Variants in STAB2 observed in about 807,000 individuals in gnomAD.
The protein encoded by STAB2 is stabilin-2.
A neutral mutation model predicts 338.1 loss-of-function variants in STAB2; 288 were observed. The ratio of observed to expected loss-of-function variants is 0.85; its 90% CI spans 0.77 to 0.94. STAB2 has a LOEUF of 0.94. STAB2 is among the 40% of genes least tolerant of loss of function. STAB2 has a pLI of 0.00. For missense variants in STAB2, 3,141 were observed against 3,210.1 expected (o/e 0.98, Z 0.52); for synonymous variants, 1,202 against 1,193.3 (o/e 1.01, Z -0.15).
At chr12:103,642,753 G>A (rs549168763) in intron 9 of STAB2, among the ~76,000 whole-genome samples, 3 of 152,096 alleles carry the variant, frequency 2.0e-5, no homozygotes, top group Non-Finnish European at 4.4e-5. Flanking sequence ...AAGAGCCTGG[G>A]CCCCCCACTA....
intron 67 of STAB2, among the ~76,000 whole-genome samples, chr12:103,762,731 C>T (rs754651555): frequency 6.6e-6 from 1 of 152,218 alleles, no homozygotes; most frequent in Non-Finnish European, 1.5e-5. Context: ...TTGGAGGATT[C>T]ACTGCACAAG....
chr12:103,731,571 T>C lies in STAB2; in HGVS notation c.5224-5T>C, dbSNP rs763245633. On this transcript the variant is annotated splice_polypyrimidine_tract_variant and splice_region_variant and intron_variant, in intron 49 of 68. Transcript: ENST00000388887. ...GTTTCATGCCCATTCTTATTATCTT[T>C]GCAGCAAAATCTTACGACTTTGGCA... 2.5e-6 allele frequency: 4 copies of C among 1,613,768 alleles called. No homozygotes were observed. Among genetic ancestry groups the C allele is most frequent in the African/African-American group, 2.7e-5 (2 of 75,038 alleles).
In STAB2 at chr12:103,648,756, C is replaced by T; in HGVS notation, c.1107C>T (p.Leu369=). 1 of 1,614,134 alleles carries T rather than the reference C, an allele frequency of 6.2e-7. No individual in the cohort carries two copies. The highest frequency in any genetic ancestry group is 8.5e-7 in the Non-Finnish European group (1 of 1,180,010). ...GTTATGGAAACATTATGGAGCGACTCAGAGAATTAAATACTGAACCCAGAG... is the reference window on the plus strand; with the variant it reads ...GTTATGGAAACATTATGGAGCGACTTAGAGAATTAAATACTGAACCCAGAG... ...LTCYGNIMER[L]RELNTEPRGK... is the part of the protein sequence containing the mutation. The change falls in exon 10 of 69, where the codon CTC becomes CTT. Residue 369 remains leucine, a synonymous_variant. Coordinates refer to ENST00000388887, the MANE Select transcript of STAB2 (RefSeq NM_017564.10).
At chr12:103,590,554 T>C (rs1051926955) in intron 1 of STAB2, among the ~76,000 whole-genome samples, 1 of 152,212 alleles carries the variant, frequency 6.6e-6, no homozygotes, top group African/African-American at 2.4e-5. Context: ...CTTGAGAGTG[T>C]ATTCTGCCAT....
rs370182235 is a variant in STAB2, at chr12:103,668,739, G to A, written c.2172+10G>A. The stretch of plus-strand genomic sequence containing the variant: ...CAATGCCACTGTGAAGGTGAGGAGC[G>A]CGTGGCCGAGGCCCAGTCTAGGCCA... On this transcript the variant is annotated intron_variant, in intron 20 of 68. Coordinates refer to ENST00000388887, the MANE Select transcript of STAB2 (RefSeq NM_017564.10). 5.8e-5 allele frequency: 89 copies of A among 1,535,764 alleles called. No individual in the cohort carries two copies. The highest frequency in any genetic ancestry group is 2.0e-4 in the Admixed American group (10 of 50,500).
intron 52 of STAB2, 109 bp downstream of exon 52, chr12:103,735,689 T>C (rs1882061717): frequency 1.1e-6 from 1 of 939,136 alleles, no homozygotes; most frequent in Middle Eastern, 3.5e-4. Context: ...CCTCCATTCA[T>C]AGCGGGCTCA....
Position 103,758,811 on chromosome 12 carries a change from G to T in STAB2, c.7108-322G>T, listed in dbSNP as rs570015344. 5.3e-5 allele frequency among the ~76,000 whole-genome samples: 8 copies of T among 152,312 alleles called. No individual in the cohort carries two copies. The East Asian group carries it at 1.5e-3, about 29-fold the overall frequency. On this transcript the variant is annotated intron_variant, in intron 64 of 68. Coordinates refer to ENST00000388887, the MANE Select transcript of STAB2 (RefSeq NM_017564.10). ...CGGTATTTATTCAATTCACGCACAGGTGGCTGACCTGAGGCTCCGACAGCC... is the reference window on the plus strand; with the variant it reads ...CGGTATTTATTCAATTCACGCACAGTTGGCTGACCTGAGGCTCCGACAGCC...
intron 39 of STAB2, chr12:103,711,230 C>T (rs1879827367): frequency 1.8e-6 from 1 of 547,514 alleles, no homozygotes; most frequent in Non-Finnish European, 3.2e-6. Context: ...CTCTTGCATC[C>T]TCACTGCCTA....
At chr12:103,665,389 A>G (rs983666857) in intron 18 of STAB2, among the ~76,000 whole-genome samples, 1 of 152,196 alleles carries the variant, frequency 6.6e-6, no homozygotes, top group African/African-American at 2.4e-5. Flanking sequence ...GATCCAAACG[A>G]AGAGATTCTG....
chr12:103,727,397 A>G (rs1310997095), intron 47 of STAB2, 47 bp downstream of exon 47: 1 of 1,602,256 alleles, frequency 6.2e-7, no homozygotes, highest in East Asian at 2.2e-5. Context: ...CGGCTGGAAC[A>G]TAGTCCTTGG....
At chr12:103,649,976 C>G (rs1403990454) in intron 10 of STAB2, among the ~76,000 whole-genome samples, 1 of 152,142 alleles carries the variant, frequency 6.6e-6, no homozygotes, top group East Asian at 1.9e-4. Context: ...CCAGCTTCCC[C>G]AGGTGATGGA....
In STAB2 at chr12:103,711,525, C is replaced by G; in HGVS notation, c.4334+9C>G. 6.2e-7 allele frequency: 1 copy of G among 1,614,034 alleles called. No individual in the cohort carries two copies. Among genetic ancestry groups the G allele is most frequent in the Non-Finnish European group, 8.5e-7 (1 of 1,179,998 alleles). On this transcript the variant is annotated intron_variant, in intron 40 of 68. Coordinates refer to ENST00000388887, the MANE Select transcript of STAB2 (RefSeq NM_017564.10). ...TGCCATACCAGCGCCAAGTAGGTAG[C>G]CCTGGGCCACCTCTGGGGACAGTGT... is the stretch of plus-strand genomic sequence containing the variant.
intron 20 of STAB2, 102 bp from the exon 21 acceptor site, chr12:103,669,439 C>A (rs1045137475): frequency 2.9e-6 from 3 of 1,021,190 alleles, no homozygotes; most frequent in African/African-American, 3.2e-5. Context: ...TAAGGAGAGG[C>A]GAATATGGCT....
chr12:103,730,908 G>A (rs1382879786), intron 49 of STAB2, among the ~76,000 whole-genome samples: 1 of 152,124 alleles, frequency 6.6e-6, no homozygotes, highest in Admixed American at 6.5e-5. Flanking sequence ...AAACTAGCCA[G>A]GTGTGATGGT....
intron 58 of STAB2, among the ~76,000 whole-genome samples, chr12:103,748,736 G>A (rs1227218717): frequency 6.6e-6 from 1 of 151,914 alleles, no homozygotes; most frequent in Non-Finnish European, 1.5e-5. Context: ...GACAAAGGGG[G>A]CAGAAGCGGA....
At chr12:103,633,535 A>T (rs1049546313) in intron 6 of STAB2, among the ~76,000 whole-genome samples, 1 of 152,120 alleles carries the variant, frequency 6.6e-6, no homozygotes, top group Non-Finnish European at 1.5e-5. Flanking sequence ...TACAAAAATC[A>T]TCCAGGCATG....
intron 42 of STAB2, among the ~76,000 whole-genome samples, chr12:103,715,540 T>G (rs1880237763): frequency 6.6e-6 from 1 of 152,226 alleles, no homozygotes; most frequent in African/African-American, 2.4e-5. Context: ...TCAAGTACTT[T>G]GCTACAAATG....
chr12:103,601,754 A>C (rs1956957851), intron 3 of STAB2, among the ~76,000 whole-genome samples: 1 of 152,228 alleles, frequency 6.6e-6, no homozygotes, highest in African/African-American at 2.4e-5. Flanking sequence ...TTCTCGATTG[A>C]AAGTAGGAAA....
intron 6 of STAB2, among the ~76,000 whole-genome samples, chr12:103,633,138 C>T (rs947372146): frequency 8.5e-5 from 13 of 152,194 alleles, no homozygotes; most frequent in African/African-American, 3.1e-4. Context: ...AGCCTCCTTC[C>T]TTGGCCACTC....
Sources: allele counts gnomAD v4.1 joint callset (sites outside exome capture counted in the v4.1 genomes callset), GRCh38; gene constraint gnomAD v4.1.1; transcripts MANE v1.5; gene names NCBI Gene and HGNC (gene_info 2026-07-23, HGNC 2026-07-21).